SEMA5A: variants seen among roughly 807,000 people sequenced by gnomAD.
SEMA5A encodes semaphorin 5A.
SEMA5A carries 55 observed loss-of-function variants against 135.5 expected under a neutral mutation model. That is an observed-to-expected ratio of 0.41 (90% confidence interval 0.33 to 0.51). SEMA5A has a LOEUF of 0.51. Among genes scored for constraint, SEMA5A ranks in the 20% least tolerant of loss-of-function variants. The pLI is 0.37. For synonymous variants in SEMA5A, 580 were observed against 546.5 expected (o/e 1.06, Z -0.85); for missense variants, 1,290 against 1,419.9 (o/e 0.91, Z 1.47).
At chr5:9,146,849 C>A (rs1332217360) in intron 12 of SEMA5A, among the ~76,000 whole-genome samples, 2 of 152,138 alleles carry the variant, frequency 1.3e-5, no homozygotes, top group Non-Finnish European at 2.9e-5. Flanking sequence ...AAACCAAAGC[C>A]AGCACAAACA....
At chr5:9,399,077 C>T (rs1442131462) in intron 2 of SEMA5A, among the ~76,000 whole-genome samples, 2 of 152,160 alleles carry the variant, frequency 1.3e-5, no homozygotes, top group African/African-American at 4.8e-5. Context: ...TTCAATAACC[C>T]AGCAATCCCA....
intron 2 of SEMA5A, among the ~76,000 whole-genome samples, chr5:9,415,569 T>C (rs562737039): frequency 6.6e-6 from 1 of 152,350 alleles, no homozygotes; most frequent in African/African-American, 2.4e-5. Context: ...AGTATTTTTA[T>C]AATTTTCTCA....
At chr5:9,044,137 A>T (rs1332157445) in intron 22 of SEMA5A, among the ~76,000 whole-genome samples, 4 of 152,184 alleles carry the variant, frequency 2.6e-5, no homozygotes, top group Non-Finnish European at 5.9e-5. Flanking sequence ...GTCTCCATAC[A>T]GGTGGTGGAG....
intron 2 of SEMA5A, among the ~76,000 whole-genome samples, chr5:9,400,215 C>A (rs1579478595): frequency 6.6e-6 from 1 of 152,082 alleles, no homozygotes; most frequent in Non-Finnish European, 1.5e-5. Flanking sequence ...GCATGTAGGG[C>A]TTAAAACCTA....
At chr5:9,110,506 T>A (rs1740182233) in intron 15 of SEMA5A, among the ~76,000 whole-genome samples, 1 of 152,142 alleles carries the variant, frequency 6.6e-6, no homozygotes, top group African/African-American at 2.4e-5. Context: ...GAAGAAGTGG[T>A]GGAGATGGAG....
chr5:9,300,460 T>C (rs1207879931), intron 5 of SEMA5A, among the ~76,000 whole-genome samples: 1 of 152,154 alleles, frequency 6.6e-6, no homozygotes, highest in Non-Finnish European at 1.5e-5. Context: ...AGGATAGTAA[T>C]TTGGAACAAA....
At chr5:9,394,376 C>G (rs1159472551) in intron 2 of SEMA5A, among the ~76,000 whole-genome samples, 1 of 152,144 alleles carries the variant, frequency 6.6e-6, no homozygotes. Flanking sequence ...GCTCAGGACA[C>G]ACCATTGCCT....
At chr5:9,149,953 G>T (rs1429388017) in intron 12 of SEMA5A, among the ~76,000 whole-genome samples, 1 of 152,152 alleles carries the variant, frequency 6.6e-6, no homozygotes, top group Non-Finnish European at 1.5e-5. Flanking sequence ...TCAGTGAGTG[G>T]CTGCTCTTGG....
intron 16 of SEMA5A, among the ~76,000 whole-genome samples, chr5:9,096,661 C>A (rs1250686742): frequency 6.6e-6 from 1 of 150,996 alleles, no homozygotes; most frequent in African/African-American, 2.4e-5. Flanking sequence ...GAAATGGCAA[C>A]CTACATGTTG....
chr5:9,071,941 A>G (rs16881913), intron 16 of SEMA5A, among the ~76,000 whole-genome samples: 15,136 of 152,260 alleles, frequency 0.099, 886 homozygotes, highest in African/African-American at 0.14. Flanking sequence ...ATGGAAGTAG[A>G]ACCATGCTCC....
chr5:9,070,346 G>T (rs1229679732), intron 16 of SEMA5A, among the ~76,000 whole-genome samples: 1 of 152,174 alleles, frequency 6.6e-6, no homozygotes, highest in African/African-American at 2.4e-5. Flanking sequence ...ACTCCAGCCT[G>T]GGCAGCAGAG....
At chr5:9,526,646 G>A (rs550440467) in intron 1 of SEMA5A, among the ~76,000 whole-genome samples, 16 of 152,262 alleles carry the variant, frequency 1.1e-4, no homozygotes, top group South Asian at 2.1e-4. Context: ...CTGAAGGTCC[G>A]GAGAAGCCCC....
Position 9,042,999 on chromosome 5 carries a change from G to A in SEMA5A, c.3123C>T (p.Asn1041=), listed in dbSNP as rs2150023975. ...ATTTGTTTCTTTCCTCTAGGATCAA[G>A]TTGTTTTTGTTAAATGCCTGGAAAA... ...VEAIKAFNKN[N]LILEERNKYF... Residue 1041 remains asparagine, a synonymous_variant, in exon 23 of 23, where the codon AAC becomes AAT. Transcript: ENST00000382496. The A allele has an allele frequency of 6.2e-7, 1 of 1,604,092 alleles. No homozygotes were observed. The highest frequency in any genetic ancestry group is 8.5e-7 in the Non-Finnish European group (1 of 1,176,570).
intron 1 of SEMA5A, among the ~76,000 whole-genome samples, chr5:9,493,531 T>C (rs1309749598): frequency 6.6e-6 from 1 of 152,104 alleles, no homozygotes; most frequent in Non-Finnish European, 1.5e-5. Context: ...GTATTTCTGT[T>C]TATAAAACAG....
At chr5:9,218,305 G>C (rs568059908) in intron 8 of SEMA5A, among the ~76,000 whole-genome samples, 3 of 152,180 alleles carry the variant, frequency 2.0e-5, no homozygotes, top group Admixed American at 6.5e-5. Context: ...ACAAGCACAG[G>C]CACTGTCCAA....
intron 1 of SEMA5A, among the ~76,000 whole-genome samples, chr5:9,542,710 TGCAGGATGTACG>T (rs1738160145): frequency 6.6e-6 from 1 of 152,224 alleles, no homozygotes; most frequent in African/African-American, 2.4e-5. Flanking sequence ...GAGGATTTAT[TGCAGGATGTACG>T]GCTGCTGTAC....
At chr5:9,484,896 T>C (rs1760019606) in intron 1 of SEMA5A, among the ~76,000 whole-genome samples, 2 of 152,118 alleles carry the variant, frequency 1.3e-5, no homozygotes, top group African/African-American at 2.4e-5. Flanking sequence ...CAGCGTAGTA[T>C]CTATCCAACA....
At chr5:9,275,842 A>G (rs1371844014) in intron 5 of SEMA5A, among the ~76,000 whole-genome samples, 2 of 152,224 alleles carry the variant, frequency 1.3e-5, no homozygotes, top group African/African-American at 4.8e-5. Flanking sequence ...TCAAATAATA[A>G]GAGCTATTTA....
At chr5:9,175,186 C>A (rs1227513701) in intron 11 of SEMA5A, among the ~76,000 whole-genome samples, 3 of 151,908 alleles carry the variant, frequency 2.0e-5, no homozygotes, top group Non-Finnish European at 4.4e-5. Context: ...ATCCAGATCC[C>A]GTGTGTTCAT....
Sources: allele counts gnomAD v4.1 joint callset (sites outside exome capture counted in the v4.1 genomes callset), GRCh38; gene constraint gnomAD v4.1.1; transcripts MANE v1.5; gene names NCBI Gene and HGNC (gene_info 2026-07-23, HGNC 2026-07-21).